The following WASF1 variants were observed in gnomAD, a reference collection of about 807,000 sequenced individuals.
The protein encoded by WASF1 is WASP family member 1.
Under a neutral mutation model 50.5 loss-of-function variants are expected in WASF1, and 7 were observed. The ratio of observed to expected loss-of-function variants is 0.14; its 90% confidence interval spans 0.08 to 0.26. The LOEUF (loss-of-function observed/expected upper bound fraction) is 0.26. Among genes scored for constraint, WASF1 ranks in the 10% least tolerant of loss-of-function variants. The pLI is 1.00. For missense variants in WASF1, 470 were observed against 694.7 expected (o/e 0.68, Z 3.64); for synonymous variants, 205 against 244.0 (o/e 0.84, Z 1.49).
At chr6:110,114,825 T>C (rs1243720391) in intron 4 of WASF1, among the ~76,000 whole-genome samples, 2 of 144,604 alleles carry the variant, frequency 1.4e-5, no homozygotes, top group Non-Finnish European at 3.0e-5. Context: ...TGGCCAGGCA[T>C]GACAGTCTGT....
chr6:110,105,420 G>A lies in WASF1; in HGVS notation c.700C>T (p.His234Tyr), dbSNP rs1328748675. ...AAGTAAAGAAACCTTGTTTCAAAAT[G>A]AGAGGCTGGGCCATTAGCAACTTCA... ...HIEVANGPASHFETRPQTYVD... is the reference protein window; with the variant it reads ...HIEVANGPASYFETRPQTYVD... Residue 234 changes from histidine (H) to tyrosine (Y), a missense_variant, in exon 8 of 11, where the codon CAT becomes TAT. Transcript: ENST00000392589. 1.3e-6 allele frequency: 2 copies of A among 1,588,440 alleles called. No homozygotes were observed. Among genetic ancestry groups the A allele is most frequent in the Non-Finnish European group, 1.7e-6 (2 of 1,171,038 alleles).
At position 110,130,940 on chromosome 6, in the gene WASF1, T is replaced by C. The variant is rs532091943; in HGVS notation, c.-28-3311A>G. Among the ~76,000 whole-genome samples the C allele has an allele frequency of 3.3e-5, 5 of 152,366 alleles. 1 individual carries two copies. The South Asian group carries it at 8.3e-4, about 25-fold the overall frequency. On this transcript the variant is annotated intron_variant, in intron 3 of 10. Coordinates refer to ENST00000392589, the MANE Select transcript of WASF1 (RefSeq NM_003931.3). Reference sequence around the variant, plus strand: ...AGTTTTAATTTGTGTTTCCCAATTATTGAATTTAAGCACCTTTTCATGTTT... The same window carrying C: ...AGTTTTAATTTGTGTTTCCCAATTACTGAATTTAAGCACCTTTTCATGTTT...
chr6:110,167,195 G>GTA (rs1446043515), intron 2 of WASF1, among the ~76,000 whole-genome samples: 1 of 150,766 alleles, frequency 6.6e-6, no homozygotes, highest in East Asian at 1.9e-4. Flanking sequence ...TTACATAAAA[G>GTA]TATAGTTACA....
At chr6:110,124,209 CT>C (rs1774269299) in intron 4 of WASF1, among the ~76,000 whole-genome samples, 1 of 76,878 alleles carries the variant, frequency 1.3e-5, no homozygotes, top group African/African-American at 7.5e-5. Context: ...CTCTCTCTCT[CT>C]CTCTCTCCTC....
At chr6:110,130,225 T>A (rs544107719) in intron 3 of WASF1, among the ~76,000 whole-genome samples, 4 of 152,322 alleles carry the variant, frequency 2.6e-5, no homozygotes, top group Non-Finnish European at 5.9e-5. Flanking sequence ...AAAAAAAGCA[T>A]ACAAAATTGT....
chr6:110,143,019 T>C (rs1365967505), intron 3 of WASF1, among the ~76,000 whole-genome samples: 1 of 150,896 alleles, frequency 6.6e-6, no homozygotes, highest in Non-Finnish European at 1.5e-5. Flanking sequence ...TGTGTTCTTA[T>C]CAATTAAACT....
chr6:110,163,748 T>G (rs1175205294), intron 2 of WASF1, among the ~76,000 whole-genome samples: 1 of 151,622 alleles, frequency 6.6e-6, no homozygotes, highest in Admixed American at 6.6e-5. Flanking sequence ...AAGTTTATTA[T>G]AGAGAGTCAA....
At position 110,103,416 on chromosome 6, in the gene WASF1, A is replaced by G. The variant is rs564096363; in HGVS notation, c.855T>C (p.His285=). 1.1e-5 allele frequency: 18 copies of G among 1,613,964 alleles called. No individual in the cohort carries two copies. The highest frequency in any genetic ancestry group is 3.3e-4 in the Middle Eastern group (2 of 6,062). ...GTATCGGTTTTGCATCTCCTGCTCCATGCATTGGTGGAGGTGGAGGTGGTT... is the reference window on the plus strand; with the variant it reads ...GTATCGGTTTTGCATCTCCTGCTCCGTGCATTGGTGGAGGTGGAGGTGGTT... ...PHEPPPPPPM[H]GAGDAKPIPT... is the part of the protein sequence containing the mutation. The change falls in exon 9 of 11, where the codon CAT becomes CAC. Residue 285 remains histidine (H), a synonymous_variant. Coordinates refer to ENST00000392589, the MANE Select transcript of WASF1 (RefSeq NM_003931.3).
At chr6:110,134,549 T>C (rs142290916) in intron 3 of WASF1, among the ~76,000 whole-genome samples, 11,047 of 151,750 alleles carry the variant, frequency 0.073, 533 homozygotes, top group African/African-American at 0.14. Context: ...CTCAGCCTCC[T>C]GAGTAGCTAG....
chr6:110,113,294 C>T (rs759144379), intron 5 of WASF1, 32 bp downstream of exon 5: 32 of 1,476,208 alleles, frequency 2.2e-5, no homozygotes, highest in Middle Eastern at 1.8e-4. Flanking sequence ...AAAATATATA[C>T]GTAGAAGAAA....
At chr6:110,153,993 G>C (rs1775940855) in intron 3 of WASF1, among the ~76,000 whole-genome samples, 1 of 152,220 alleles carries the variant, frequency 6.6e-6, no homozygotes, top group Non-Finnish European at 1.5e-5. Flanking sequence ...AAGAAGAGTT[G>C]AGGATACATT....
intron 4 of WASF1, among the ~76,000 whole-genome samples, chr6:110,117,383 G>C (rs189809702): frequency 7.9e-5 from 12 of 152,124 alleles, no homozygotes; most frequent in African/African-American, 2.9e-4. Flanking sequence ...TTCAATAGCT[G>C]ATTTGATCAA....
intron 4 of WASF1, 23 bp from the exon 5 acceptor site, chr6:110,113,483 T>C: frequency 6.4e-7 from 1 of 1,564,720 alleles, no homozygotes; most frequent in Admixed American, 2.0e-5. Context: ...GACACATATA[T>C]CATAAAATTT....
chr6:110,103,535 T>A lies in WASF1; in HGVS notation c.736A>T (p.Met246Leu). ...GCAGAAAGTGAGTAAGATCCATCCATATGATCCACGTATGTCTGAGGTCTA... is the reference window on the plus strand; with the variant it reads ...GCAGAAAGTGAGTAAGATCCATCCAAATGATCCACGTATGTCTGAGGTCTA... ...ETRPQTYVDH[M>L]DGSYSLSALP... The change falls in exon 9 of 11, where the codon ATG (methionine) becomes TTG (leucine). Residue 246 changes from methionine (M) to leucine (L), a missense_variant. Coordinates refer to ENST00000392589, the MANE Select transcript of WASF1 (RefSeq NM_003931.3). 1 of 1,613,538 alleles carries A rather than the reference T, an allele frequency of 6.2e-7. No homozygotes were observed. Among genetic ancestry groups the A allele is most frequent in the South Asian group, 1.1e-5 (1 of 90,984 alleles).
intron 3 of WASF1, among the ~76,000 whole-genome samples, chr6:110,152,622 C>G (rs1002718215): frequency 2.6e-5 from 4 of 152,118 alleles, no homozygotes; most frequent in Non-Finnish European, 4.4e-5. Flanking sequence ...CCAGAGCCAA[C>G]AGAAAAGAAA....
At chr6:110,134,434 C>CT (rs1393169175) in intron 3 of WASF1, among the ~76,000 whole-genome samples, 6 of 122,372 alleles carry the variant, frequency 4.9e-5, no homozygotes, top group Admixed American at 4.8e-4. Context: ...TTTTTTTTTT[C>CT]TTTTTTGGAG....
chr6:110,101,798 G>A lies in WASF1; in HGVS notation c.1312C>T (p.Arg438Ter). ...GTAACTGTGACAGGTGATGATGGTC[G>A]AATGCCAGGTGGAGGCAGAGGAGGC... ...PPPPLPPPGIRPSSPVTVTAL... is the reference protein window; with the variant it reads ...PPPPLPPPGI Residue 438 changes from arginine (R) to a stop codon, truncating the protein, a stop_gained, in exon 10 of 11, where the codon CGA becomes TGA. Transcript: ENST00000392589. LOFTEE classifies it high-confidence loss of function. The A allele has an allele frequency of 6.2e-7, 1 of 1,614,102 alleles. No homozygotes were observed. The highest frequency in any genetic ancestry group is 8.5e-7 in the Non-Finnish European group (1 of 1,179,998).
At chr6:110,132,395 A>G (rs962915719) in intron 3 of WASF1, among the ~76,000 whole-genome samples, 4 of 151,804 alleles carry the variant, frequency 2.6e-5, no homozygotes, top group Admixed American at 6.6e-5. Context: ...TTTCATATAC[A>G]TAAGGATGAT....
chr6:110,100,256 T>C lies in WASF1; in HGVS notation c.*266A>G, dbSNP rs1392258200. ...TATCAAAAAACTGAATCTGCTACTCTAACAACAGCTGTCCATGCTTAATAC... is the reference window on the plus strand; with the variant it reads ...TATCAAAAAACTGAATCTGCTACTCCAACAACAGCTGTCCATGCTTAATAC... On this transcript the variant is annotated 3_prime_UTR_variant, in exon 11 of 11. Coordinates refer to ENST00000392589, the MANE Select transcript of WASF1 (RefSeq NM_003931.3). 4 of 291,628 alleles carry C rather than the reference T, an allele frequency of 1.4e-5. No homozygotes were observed. The allele number at this position is 291,628 out of a possible 1,614,324, so 18.1% of individuals were successfully genotyped here.
Sources: allele counts gnomAD v4.1 joint callset (sites outside exome capture counted in the v4.1 genomes callset), GRCh38; gene constraint gnomAD v4.1.1; transcripts MANE v1.5; gene names NCBI Gene and HGNC (gene_info 2026-07-23, HGNC 2026-07-21).